ZMAT3: variants seen among roughly 807,000 people sequenced by gnomAD.
ZMAT3 encodes zinc finger matrin-type protein 3.
In ZMAT3, 17 loss-of-function variants were observed where a neutral mutation model predicts 32.3. That is an observed-to-expected ratio of 0.53 (90% CI 0.36 to 0.79). The LOEUF is 0.79. Ranked by LOEUF, ZMAT3 falls within the 30% of genes least tolerant of loss-of-function variation. The pLI is 0.00. For missense variants in ZMAT3, 329 were observed against 359.7 expected (o/e 0.91, Z 0.69); for synonymous variants, 120 against 133.1 (o/e 0.90, Z 0.68).
rs1021784010 is a variant in ZMAT3 at position 179,019,644 on chromosome 3, G to C, written c.*5373C>G. On this transcript the variant is annotated 3_prime_UTR_variant, in exon 6 of 6. Transcript: ENST00000311417. ...TATAATAAAATCAGTCTAGCAGGGC[G>C]TTTCTAAGATTCTAAGTAGTCAGGC... 6.6e-6 allele frequency: 1 copy of C among 152,090 alleles called. No homozygotes were observed. The highest frequency in any genetic ancestry group is 2.1e-4 in the South Asian group (1 of 4,828). 9.4% of individuals were successfully genotyped at this position (152,090 alleles called of 1,614,324 possible).
chr3:179,047,943 G>A (rs1720333520), intron 2 of ZMAT3, among the ~76,000 whole-genome samples: 1 of 151,962 alleles, frequency 6.6e-6, no homozygotes, highest in African/African-American at 2.4e-5. Context: ...AAAATGTTCA[G>A]TGAAATAGAT....
chr3:179,036,143 T>C (rs1576847090), intron 2 of ZMAT3, among the ~76,000 whole-genome samples: 2 of 152,252 alleles, frequency 1.3e-5, no homozygotes, highest in Admixed American at 6.5e-5. Flanking sequence ...TTGATTGTAT[T>C]TGATAAAGAT....
At position 179,024,526 on chromosome 3, in the gene ZMAT3, TTCTA is replaced by T. The variant is rs1718749816; in HGVS notation, c.*487_*490del. ...GACCTTAACAGTTTCTAATAATGTA[TTCTA>T]CTGACAATGCATTGAGGTGGCGGTT... On this transcript the variant is annotated 3_prime_UTR_variant, in exon 6 of 6. Coordinates refer to ENST00000311417, the MANE Select transcript of ZMAT3 (RefSeq NM_022470.4). 6.3e-6 allele frequency: 1 copy of T among 158,574 alleles called. No homozygotes were observed. The highest frequency in any genetic ancestry group is 2.4e-5 in the African/African-American group (1 of 41,436). The allele number at this position is 158,574 out of a possible 1,614,324, so 9.8% of individuals were successfully genotyped here.
At chr3:179,031,674 A>C (rs1309371437) in intron 2 of ZMAT3, among the ~76,000 whole-genome samples, 1 of 152,028 alleles carries the variant, frequency 6.6e-6, no homozygotes, top group Non-Finnish European at 1.5e-5. Context: ...TGGGAGGCCA[A>C]GGAGGGTGGA....
intron 2 of ZMAT3, among the ~76,000 whole-genome samples, chr3:179,031,663 T>G (rs1576840950): frequency 6.6e-6 from 1 of 152,114 alleles, no homozygotes; most frequent in South Asian, 2.1e-4. Context: ...TCTCAGCACT[T>G]TGGGAGGCCA....
rs191758052 is a variant in ZMAT3, at chr3:179,057,153, A to T, written c.270+10330T>A. ...AGGACCTAAAAGCCCAAGGCCTAGTAAAACCATGCAATAGCCCCTGCAATA... is the reference window on the plus strand; with the variant it reads ...AGGACCTAAAAGCCCAAGGCCTAGTTAAACCATGCAATAGCCCCTGCAATA... On this transcript the variant is annotated intron_variant, in intron 2 of 5. Transcript: ENST00000311417. Among the ~76,000 whole-genome samples, 525 of 152,332 alleles carry T rather than the reference A, an allele frequency of 3.4e-3. 3 individuals carry two copies. The highest frequency in any genetic ancestry group is 0.012 in the African/African-American group (497 of 41,576).
At chr3:179,041,891 G>C (rs1480616465) in intron 2 of ZMAT3, among the ~76,000 whole-genome samples, 2 of 151,964 alleles carry the variant, frequency 1.3e-5, no homozygotes, top group Non-Finnish European at 2.9e-5. Context: ...ATAAAAAAAT[G>C]ATAAAGGGGA....
intron 3 of ZMAT3, among the ~76,000 whole-genome samples, chr3:179,029,808 A>T (rs1388734211): frequency 6.6e-6 from 1 of 152,158 alleles, no homozygotes; most frequent in Non-Finnish European, 1.5e-5. Flanking sequence ...TCAATTTTAC[A>T]TTTCTAAAAT....
rs139328684 is a variant in ZMAT3 at position 179,027,677 on chromosome 3, G to A, written c.526C>T (p.Arg176Trp). The change falls in exon 4 of 6, where the codon CGG becomes TGG. Residue 176 changes from arginine to tryptophan, a missense_variant. Arg to Trp is a moderately radical substitution (Grantham distance 101, BLOSUM62 -3). Coordinates refer to ENST00000311417, the MANE Select transcript of ZMAT3 (RefSeq NM_022470.4). ...YQGKNHAKRL[R>W]LAEAQSNSFS... is the part of the protein sequence containing the mutation. ...GAGTTACTCTGAGCTTCCGCCAGCC[G>A]CAGCCTCTTGGCATGATTCTTCCCT... 1.2e-5 allele frequency: 19 copies of A among 1,614,014 alleles called. No homozygotes were observed. The highest frequency in any genetic ancestry group is 6.7e-5 in the African/African-American group (5 of 74,908).
rs536305731 is a variant in ZMAT3, at chr3:179,030,955, A to G, written c.315T>C (p.Asn105=). 2 of 1,613,696 alleles carry G rather than the reference A, an allele frequency of 1.2e-6. No homozygotes were observed. The highest frequency in any genetic ancestry group is 2.7e-5 in the African/African-American group (2 of 75,008). Residue 105 remains asparagine (N), a synonymous_variant, in exon 3 of 6, where the codon AAT becomes AAC. Coordinates refer to ENST00000311417, the MANE Select transcript of ZMAT3 (RefSeq NM_022470.4). ...TCATTCTAGCAGGAGGAGGACAGCT[A>G]TTTGCTGCATAGTAATTTCGGAGTT... ...GKKLRNYYAA[N]SCPPPARMSN...
At chr3:179,042,199 A>G (rs1168712817) in intron 2 of ZMAT3, among the ~76,000 whole-genome samples, 1 of 152,036 alleles carries the variant, frequency 6.6e-6, no homozygotes, top group Non-Finnish European at 1.5e-5. Context: ...TATTCCAATC[A>G]ATAAAAAGAG....
intron 2 of ZMAT3, among the ~76,000 whole-genome samples, chr3:179,063,652 A>C (rs1007333349): frequency 1.8e-4 from 27 of 152,202 alleles, no homozygotes; most frequent in African/African-American, 6.5e-4. Flanking sequence ...TTCCCTGCTA[A>C]AGCAATTCTT....
At chr3:179,030,021 A>C (rs1719092272) in intron 3 of ZMAT3, among the ~76,000 whole-genome samples, 1 of 152,194 alleles carries the variant, frequency 6.6e-6, no homozygotes, top group African/African-American at 2.4e-5. Context: ...TTTTATGGAC[A>C]TATAACACTT....
chr3:179,068,092 C>A (rs1347024308), intron 1 of ZMAT3, among the ~76,000 whole-genome samples: 1 of 152,152 alleles, frequency 6.6e-6, no homozygotes, highest in Non-Finnish European at 1.5e-5. Context: ...AGCATTGCAT[C>A]CACGGCTAAA....
intron 2 of ZMAT3, among the ~76,000 whole-genome samples, chr3:179,039,191 C>T (rs1391909788): frequency 2.0e-5 from 3 of 152,228 alleles, no homozygotes; most frequent in Non-Finnish European, 4.4e-5. Flanking sequence ...TTTCTGACAG[C>T]TCTGAAGAGA....
At chr3:179,052,397 C>T (rs922298346) in intron 2 of ZMAT3, among the ~76,000 whole-genome samples, 1 of 152,118 alleles carries the variant, frequency 6.6e-6, no homozygotes, top group African/African-American at 2.4e-5. Context: ...GAAAAAAATG[C>T]TCAACATCAC....
chr3:179,049,472 C>G (rs1161025559), intron 2 of ZMAT3, among the ~76,000 whole-genome samples: 2 of 152,168 alleles, frequency 1.3e-5, no homozygotes, highest in East Asian at 3.9e-4. Context: ...AGTACTTTCT[C>G]AGACCACAGT....
chr3:179,059,183 C>A (rs1382655853), intron 2 of ZMAT3, among the ~76,000 whole-genome samples: 2 of 152,040 alleles, frequency 1.3e-5, no homozygotes, highest in Non-Finnish European at 2.9e-5. Flanking sequence ...CAATGCAGGA[C>A]CCTCCATTAG....
At chr3:179,047,578 C>T (rs1023888310) in intron 2 of ZMAT3, among the ~76,000 whole-genome samples, 10 of 151,740 alleles carry the variant, frequency 6.6e-5, no homozygotes, top group South Asian at 6.3e-4. Flanking sequence ...CCAGGCCGAG[C>T]GTGGTGGCTC....
Sources: gnomAD v4.1 joint callset for allele counts (sites outside exome capture counted in the v4.1 genomes callset) on GRCh38, gnomAD v4.1.1 for gene constraint, MANE v1.5 for transcripts, NCBI Gene and HGNC (gene_info 2026-07-23, HGNC 2026-07-21) for gene names.